The following GPR19 variants were observed in gnomAD, a reference collection of about 807,000 sequenced individuals.
GPR19 encodes the protein probable G protein-coupled receptor 19.
In GPR19, 14 loss-of-function variants were observed where a neutral mutation model predicts 28.5. That is an observed-to-expected ratio of 0.49 (90% CI 0.32 to 0.77). The LOEUF (loss-of-function observed/expected upper bound fraction) is 0.77. Ranked by LOEUF, GPR19 falls within the 30% of genes least tolerant of loss-of-function variation. The pLI is 0.03. For synonymous variants in GPR19, 173 were observed against 184.1 expected (o/e 0.94, Z 0.49); for missense variants, 409 against 504.1 (o/e 0.81, Z 1.81).
chr12:12,662,230 C>T lies in GPR19; in HGVS notation c.219G>A (p.Gly73=), dbSNP rs1273275951. The T allele has an allele frequency of 1.2e-6, 2 of 1,614,084 alleles. No individual in the cohort carries two copies. The highest frequency in any genetic ancestry group is 1.7e-6 in the Non-Finnish European group (2 of 1,180,042). Residue 73 remains glycine, a synonymous_variant, in exon 4 of 4, where the codon GGG becomes GGA. Coordinates refer to ENST00000651487, the MANE Select transcript of GPR19 (RefSeq NM_006143.3). ...GEVATASIFF[G]ILWLFSIFGN... ...CGAAGATAGAAAACAACCACAGAAT[C>T]CCAAAGAAGATGCTGGCTGTGGCCA...
At chr12:12,702,756 A>G in the GPR19 span, among the ~76,000 whole-genome samples, 2 of 152,244 alleles carry the variant, frequency 1.3e-5, no homozygotes, top group Non-Finnish European at 2.9e-5. Context: ...CTGTTAAATA[A>G]TGGTCATAAT....
At chr12:12,699,978 CT>C (rs10716814), upstream of GPR19, among the ~76,000 whole-genome samples, 96,181 of 119,390 alleles carry the variant, frequency 0.81, 37,564 homozygotes, top group East Asian at 0.92. Flanking sequence ...AGCTTTCTTT[CT>C]TTTTTTTTTT....
intron 3 of GPR19, among the ~76,000 whole-genome samples, chr12:12,668,324 C>T (rs1945810476): frequency 6.6e-6 from 1 of 151,814 alleles, no homozygotes; most frequent in Non-Finnish European, 1.5e-5. Flanking sequence ...TATGTTCATT[C>T]AATATTTGTA....
chr12:12,674,389 G>C (rs1945902447), intron 3 of GPR19, among the ~76,000 whole-genome samples: 1 of 152,010 alleles, frequency 6.6e-6, no homozygotes, highest in Admixed American at 6.6e-5. Context: ...GCAGTAAGCT[G>C]TGATGCTGTG....
At chr12:12,684,322 C>T (rs990155904) in intron 3 of GPR19, 29 bp downstream of exon 3, 5 of 152,184 alleles carry the variant, frequency 3.3e-5, no homozygotes, top group African/African-American at 1.2e-4. Context: ...AAATTTCAGT[C>T]GCAATACCAA....
At chr12:12,704,822 A>G in the GPR19 span, among the ~76,000 whole-genome samples, 3 of 152,122 alleles carry the variant, frequency 2.0e-5, no homozygotes, top group Non-Finnish European at 2.9e-5. Flanking sequence ...AGGGTAGTCT[A>G]TCTCATTACT....
intron 3 of GPR19, among the ~76,000 whole-genome samples, chr12:12,674,515 G>A (rs183075564): frequency 6.6e-6 from 1 of 152,268 alleles, no homozygotes; most frequent in Non-Finnish European, 1.5e-5. Context: ...TAGTTTATAT[G>A]TGATGGGGTT....
In GPR19 at chr12:12,696,119, A is replaced by T. The variant is rs956705421; in HGVS notation, c.-287T>A. ...CATAGAATGTGGTGTTGTGTACGTG[A>T]ATCCATCAGATCAACGCGACGGACA... On this transcript the variant is annotated 5_prime_UTR_variant, in exon 1 of 4. Coordinates refer to ENST00000651487, the MANE Select transcript of GPR19 (RefSeq NM_006143.3). 1.3e-5 allele frequency: 2 copies of T among 152,144 alleles called. No individual in the cohort carries two copies. The highest frequency in any genetic ancestry group is 2.4e-5 in the African/African-American group (1 of 41,410). 9.4% of individuals were successfully genotyped at this position (152,144 alleles called of 1,614,324 possible).
chr12:12,663,159 C>T (rs1945705733), intron 3 of GPR19, among the ~76,000 whole-genome samples: 1 of 152,138 alleles, frequency 6.6e-6, no homozygotes, highest in Non-Finnish European at 1.5e-5. Context: ...AGCTTGCCAC[C>T]TACCAGTGAC....
chr12:12,687,101 G>T (rs182319142), intron 2 of GPR19, among the ~76,000 whole-genome samples: 2 of 152,268 alleles, frequency 1.3e-5, no homozygotes, highest in Admixed American at 1.3e-4. Context: ...GTGCAACTGG[G>T]GTAATATTTT....
chr12:12,680,109 T>G (rs1945995668), intron 3 of GPR19, among the ~76,000 whole-genome samples: 1 of 152,256 alleles, frequency 6.6e-6, no homozygotes, highest in Non-Finnish European at 1.5e-5. Context: ...CCTTTTATAC[T>G]GCTTTATATT....
rs560540487 is a variant in GPR19 at position 12,672,021 on chromosome 12, A to T, written c.-22-9551T>A. ...GAGAGAATTAAGATGGGGTGTCATTATGAGAAGGGCCGGGTGAAGGGTGAA... is the reference window on the plus strand; with the variant it reads ...GAGAGAATTAAGATGGGGTGTCATTTTGAGAAGGGCCGGGTGAAGGGTGAA... On this transcript the variant is annotated intron_variant, in intron 3 of 3. Coordinates refer to ENST00000651487, the MANE Select transcript of GPR19 (RefSeq NM_006143.3). Among the ~76,000 whole-genome samples, 443 of 152,344 alleles carry T rather than the reference A, an allele frequency of 2.9e-3. 4 individuals are homozygous for T. Among genetic ancestry groups the T allele is most frequent in the South Asian group, 0.01 (50 of 4,822 alleles).
chr12:12,704,700 A>G, the GPR19 span, among the ~76,000 whole-genome samples: 2 of 152,152 alleles, frequency 1.3e-5, no homozygotes, highest in African/African-American at 4.8e-5. Flanking sequence ...GTGGTTTGGA[A>G]TAGTTGCAGG....
chr12:12,697,148 C>T (rs12298808), upstream of GPR19, among the ~76,000 whole-genome samples: 2 of 9,054 alleles, frequency 2.2e-4, no homozygotes, highest in East Asian at 8.1e-3. Context: ...ACTCTTGAAG[C>T]GAAGTAAAAA....
At chr12:12,667,465 C>T (rs1409615156) in intron 3 of GPR19, among the ~76,000 whole-genome samples, 2 of 151,792 alleles carry the variant, frequency 1.3e-5, no homozygotes, top group South Asian at 2.1e-4. Context: ...CTGAGGCGGG[C>T]GGATCACCTG....
rs776250205 is a variant in GPR19, at chr12:12,662,444, A to C, written c.5T>G (p.Val2Gly). Residue 2 changes from valine to glycine, a missense_variant, in exon 4 of 4, where the codon GTT becomes GGT. Val to Gly is a moderately radical substitution (Grantham distance 109). Coordinates refer to ENST00000651487, the MANE Select transcript of GPR19 (RefSeq NM_006143.3). Reference protein sequence around the residue: MVFAHRMDNSKP... With the variant: MGFAHRMDNSKP... ...GCTGTTATCCATTCTGTGAGCAAAA[A>C]CCATATTCACTTTTTTTCTCTTAAT... 6.2e-7 allele frequency: 1 copy of C among 1,612,330 alleles called. No individual in the cohort carries two copies. The highest frequency in any genetic ancestry group is 1.3e-5 in the African/African-American group (1 of 74,886).
At chr12:12,693,847 C>A (rs1246743097) in intron 2 of GPR19, among the ~76,000 whole-genome samples, 1 of 151,932 alleles carries the variant, frequency 6.6e-6, no homozygotes, top group Non-Finnish European at 1.5e-5. Context: ...GGATTACAAG[C>A]GCGTGCCACC....
At chr12:12,671,974 G>A (rs574006459) in intron 3 of GPR19, among the ~76,000 whole-genome samples, 1 of 152,280 alleles carries the variant, frequency 6.6e-6, no homozygotes, top group African/African-American at 2.4e-5. Context: ...AAAAGCAAAA[G>A]CCGTGAGGAC....
chr12:12,665,267 A>G (rs1481797617), intron 3 of GPR19, among the ~76,000 whole-genome samples: 1 of 152,164 alleles, frequency 6.6e-6, no homozygotes, highest in African/African-American at 2.4e-5. Context: ...AAACTCTGCA[A>G]ATGAAACTCA....
Sources: allele counts gnomAD v4.1 joint callset (sites outside exome capture counted in the v4.1 genomes callset), GRCh38; gene constraint gnomAD v4.1.1; transcripts MANE v1.5; gene names NCBI Gene and HGNC (gene_info 2026-07-23, HGNC 2026-07-21).